The following MLLT1 variants were observed in gnomAD, a reference collection of about 807,000 sequenced individuals.
MLLT1 encodes the protein protein ENL.
Under a neutral mutation model 55.1 loss-of-function variants are expected in MLLT1, and 11 were observed. The observed-to-expected ratio is 0.20, with a 90% CI of 0.13 to 0.33. The LOEUF is 0.33. Among genes scored for constraint, MLLT1 ranks in the 10% least tolerant of loss-of-function variants. The pLI is 1.00. For synonymous variants in MLLT1, 323 were observed against 320.1 expected (o/e 1.01, Z -0.10); for missense variants, 536 against 760.6 (o/e 0.70, Z 3.47).
In MLLT1 at chr19:6,225,607, C is replaced by T. The variant is rs577656059; in HGVS notation, c.546+1370G>A. Among the ~76,000 whole-genome samples, 8 of 152,330 alleles carry T rather than the reference C, an allele frequency of 5.3e-5. No individual in the cohort carries two copies. In the South Asian group the frequency reaches 1.7e-3, roughly 32 times the overall value. On this transcript the variant is annotated intron_variant, in intron 5 of 11. Coordinates refer to ENST00000252674, the MANE Select transcript of MLLT1 (RefSeq NM_005934.4). ...CGATGCTCCCCACAGATGCCGCCTA[C>T]ATCTCTCCACCCGGTAGCTGGAGAA...
At chr19:6,224,532 G>C (rs2090934994) in intron 5 of MLLT1, among the ~76,000 whole-genome samples, 1 of 152,226 alleles carries the variant, frequency 6.6e-6, no homozygotes, top group Non-Finnish European at 1.5e-5. Context: ...CAGCCACCAA[G>C]GGCAGAATGA....
intron 3 of MLLT1, among the ~76,000 whole-genome samples, chr19:6,257,279 G>A (rs1210582957): frequency 2.6e-5 from 4 of 151,340 alleles, no homozygotes; most frequent in Non-Finnish European, 5.9e-5. Flanking sequence ...AGGCTGGGGT[G>A]GGAGGACTGC....
At chr19:6,272,124 C>A (rs1159072096) in intron 1 of MLLT1, among the ~76,000 whole-genome samples, 2 of 151,344 alleles carry the variant, frequency 1.3e-5, no homozygotes, top group African/African-American at 4.9e-5. Context: ...GCTTGTCACT[C>A]CCTCAGAAGG....
chr19:6,261,074 C>T (rs180712924), intron 3 of MLLT1, among the ~76,000 whole-genome samples: 7 of 152,302 alleles, frequency 4.6e-5, no homozygotes, highest in East Asian at 3.9e-4. Context: ...CCCTTCCATA[C>T]GCTCACCGGA....
chr19:6,242,989 C>A (rs919368999), intron 3 of MLLT1, among the ~76,000 whole-genome samples: 1 of 152,212 alleles, frequency 6.6e-6, no homozygotes, highest in Non-Finnish European at 1.5e-5. Flanking sequence ...GGCATGAAAG[C>A]GACAAAGGTG....
chr19:6,259,205 T>C (rs960081831), intron 3 of MLLT1: 2 of 152,238 alleles, frequency 1.3e-5, no homozygotes, highest in African/African-American at 4.8e-5. Context: ...GTTTACTCCT[T>C]ATTCCACTTA....
chr19:6,275,370 C>A (rs1200436537), intron 1 of MLLT1, among the ~76,000 whole-genome samples: 1 of 152,192 alleles, frequency 6.6e-6, no homozygotes, highest in Non-Finnish European at 1.5e-5. Context: ...AACACGTGCA[C>A]GTGTGTGAGC....
rs188636618 is a variant in MLLT1 at position 6,217,557 on chromosome 19, G to A, written c.1198+397C>T. On this transcript the variant is annotated intron_variant, in intron 7 of 11. Transcript: ENST00000252674. ...AAACACTCCGGCAGCAGGAGACCCC[G>A]GCCGTCCACAGGCAGCCAGTGCCTC... Among the ~76,000 whole-genome samples, 286 of 152,344 alleles carry A rather than the reference G, an allele frequency of 1.9e-3. 2 individuals carry two copies. Among genetic ancestry groups the A allele is most frequent in the Non-Finnish European group, 1.5e-3 (105 of 68,024 alleles).
At chr19:6,276,078 C>G (rs2091426639) in intron 1 of MLLT1, among the ~76,000 whole-genome samples, 1 of 152,198 alleles carries the variant, frequency 6.6e-6, no homozygotes, top group Non-Finnish European at 1.5e-5. Flanking sequence ...CAGCAGCTGG[C>G]AAAGCTGAGT....
At chr19:6,218,287 G>A (rs368286598) in intron 6 of MLLT1, among the ~76,000 whole-genome samples, 2 of 152,226 alleles carry the variant, frequency 1.3e-5, no homozygotes, top group Non-Finnish European at 2.9e-5. Context: ...TTCCGGTAGC[G>A]CCAGGAGACC....
At chr19:6,259,399 G>A (rs555961191) in intron 3 of MLLT1, 1 of 152,300 alleles carries the variant, frequency 6.6e-6, no homozygotes, top group African/African-American at 2.4e-5. Flanking sequence ...GTCATTCTAG[G>A]TCATGCCTGT....
intron 2 of MLLT1, among the ~76,000 whole-genome samples, chr19:6,263,630 A>C (rs1016994027): frequency 1.2e-4 from 18 of 152,196 alleles, no homozygotes; most frequent in Admixed American, 1.2e-3. Context: ...CAACCAGGGG[A>C]GAACAGGGAG....
At chr19:6,266,094 C>T (rs2091346991) in intron 2 of MLLT1, among the ~76,000 whole-genome samples, 1 of 151,866 alleles carries the variant, frequency 6.6e-6, no homozygotes, top group South Asian at 2.1e-4. Flanking sequence ...ACTTGGGCAA[C>T]ATGGTGAAAT....
rs1224721765 is a variant in MLLT1 at position 6,217,817 on chromosome 19, G to C, written c.1198+137C>G. 4.7e-6 allele frequency: 6 copies of C among 1,272,660 alleles called. No individual in the cohort carries two copies. The Admixed American group carries it at 1.6e-4, about 35-fold the overall frequency. 78.8% of individuals were successfully genotyped at this position (1,272,660 alleles called of 1,614,324 possible). A position where few individuals can be genotyped will look rare whatever the true frequency, so the allele number is the denominator to read the frequency against. ...TTGCTTTTAAATATAGACTCCCCCA[G>C]GCCACCAAAACCCTCCATGTACAGA... is the stretch of plus-strand genomic sequence containing the variant. On this transcript the variant is annotated intron_variant, in intron 7 of 11. Transcript: ENST00000252674.
At position 6,227,978 on chromosome 19, in the gene MLLT1, G is replaced by A. The variant is rs1320532851; in HGVS notation, c.421-876C>T. On this transcript the variant is annotated intron_variant, in intron 4 of 11. Coordinates refer to ENST00000252674, the MANE Select transcript of MLLT1 (RefSeq NM_005934.4). The surrounding 1 kb of genome is among the most constrained non-coding windows in gnomAD (Gnocchi z 5.1). The stretch of plus-strand genomic sequence containing the variant: ...TAGAAGAAGCACTGCTAACAGCCTT[G>A]AGCACCTGCAGTTCCCGGCCAGCCA... 6.6e-6 allele frequency among the ~76,000 whole-genome samples: 1 copy of A among 152,176 alleles called. No individual in the cohort carries two copies. The highest frequency in any genetic ancestry group is 2.1e-4 in the South Asian group (1 of 4,830).
chr19:6,279,302 G>A (rs1441191462), intron 1 of MLLT1, among the ~76,000 whole-genome samples: 1 of 152,174 alleles, frequency 6.6e-6, no homozygotes, highest in Non-Finnish European at 1.5e-5. Flanking sequence ...TGGACCTAGA[G>A]ACGGAAAGGT....
At chr19:6,260,283 G>C (rs2091293078) in intron 3 of MLLT1, among the ~76,000 whole-genome samples, 1 of 152,192 alleles carries the variant, frequency 6.6e-6, no homozygotes, top group South Asian at 2.1e-4. Context: ...AGGATGCAAG[G>C]GTGGAGCTTC....
intron 3 of MLLT1, among the ~76,000 whole-genome samples, chr19:6,254,593 A>G (rs1047538809): frequency 2.0e-5 from 3 of 152,206 alleles, no homozygotes; most frequent in Non-Finnish European, 4.4e-5. Flanking sequence ...AGGACCCCCA[A>G]GTGGTGTCTG....
Position 6,222,493 on chromosome 19 carries a change from C to T in MLLT1, c.738G>A (p.Pro246=), listed in dbSNP as rs774416477. 7 of 1,596,590 alleles carry T rather than the reference C, an allele frequency of 4.4e-6. No individual in the cohort carries two copies. The highest frequency in any genetic ancestry group is 1.7e-5 in the Admixed American group (1 of 59,550). The change falls in exon 6 of 12, where the codon CCG becomes CCA. Residue 246 remains proline (P), a synonymous_variant. Coordinates refer to ENST00000252674, the MANE Select transcript of MLLT1 (RefSeq NM_005934.4). The surrounding 1 kb of genome is among the most constrained non-coding windows in gnomAD (Gnocchi z 4.1). ...TGGGTTCCTTGAAGGCAGCCTTGGG[C>T]GGTGGCGCCTTCTCCTCCTTGGGCA... ...GRLPKEEKAP[P]PKAAFKEPKM... is the part of the protein sequence containing the mutation.
Sources: allele counts gnomAD v4.1 joint callset (sites outside exome capture counted in the v4.1 genomes callset), GRCh38; gene constraint gnomAD v4.1.1; non-coding constraint Gnocchi (gnomAD v3.1); transcripts MANE v1.5; gene names NCBI Gene and HGNC (gene_info 2026-07-23, HGNC 2026-07-21).